The following ANKRD12 variants were observed in gnomAD, a reference collection of about 807,000 sequenced individuals.
ANKRD12 encodes the protein ankyrin repeat domain-containing protein 12.
In ANKRD12, 85 loss-of-function variants were observed where a neutral mutation model predicts 183.4. The ratio of observed to expected loss-of-function variants is 0.46; its 90% CI spans 0.39 to 0.56. The LOEUF (loss-of-function observed/expected upper bound fraction) is 0.56, where lower values mean the gene tolerates loss of function less well. Ranked by LOEUF, ANKRD12 falls within the 20% of genes least tolerant of loss-of-function variation. The probability of loss-of-function intolerance (pLI) is 0.00; values close to 1 mark genes in which losing one functional copy is unlikely to be tolerated. For missense variants in ANKRD12, 2,405 were observed against 2,357.1 expected, an observed-to-expected ratio of 1.02 and a Z score of -0.42; for synonymous variants, 914 against 800.2, an observed-to-expected ratio of 1.14 and a Z score of -2.40.
intron 8 of ANKRD12, among the ~76,000 whole-genome samples, chr18:9,242,726 A>G (rs748058558): frequency 6.6e-6 from 1 of 152,138 alleles, no homozygotes; most frequent in African/African-American, 2.4e-5. Context: ...GATTGAGGGG[A>G]GTACAGAGTG....
intron 2 of ANKRD12, among the ~76,000 whole-genome samples, chr18:9,193,845 A>G (rs1567900803): frequency 6.6e-6 from 1 of 152,220 alleles, no homozygotes; most frequent in Non-Finnish European, 1.5e-5. Flanking sequence ...AGTTCTCAGT[A>G]TGAAGCACAT....
chr18:9,262,654 G>T (rs1047099313), intron 9 of ANKRD12, among the ~76,000 whole-genome samples: 5 of 151,586 alleles, frequency 3.3e-5, no homozygotes, highest in African/African-American at 7.3e-5. Flanking sequence ...TGAGATGGGG[G>T]TCTCAATATG....
intron 2 of ANKRD12, among the ~76,000 whole-genome samples, chr18:9,187,439 T>TA (rs1230860151): frequency 1.3e-5 from 2 of 152,174 alleles, no homozygotes; most frequent in Non-Finnish European, 2.9e-5. Flanking sequence ...ACAGTTCTCT[T>TA]ACGTAAGTAG....
At chr18:9,177,195 T>C (rs1484825522) in intron 1 of ANKRD12, among the ~76,000 whole-genome samples, 8 of 152,164 alleles carry the variant, frequency 5.3e-5, no homozygotes. Flanking sequence ...GCAAGCAGTG[T>C]AATAGCCACC....
chr18:9,257,911 T>G lies in ANKRD12; in HGVS notation c.4644T>G (p.Thr1548=), dbSNP rs771895849. Residue 1548 remains threonine, a synonymous_variant, in exon 9 of 13, where the codon ACT becomes ACG. Transcript: ENST00000262126. ...DNESTKDTEN[T]FVLGDVQKTD... ...AATCTACAAAAGATACAGAAAATAC[T>G]TTTGTCCTAGGAGATGTTCAAAAAA... is the stretch of plus-strand genomic sequence containing the variant. 3 of 1,613,990 alleles carry G rather than the reference T, an allele frequency of 1.9e-6. No individual in the cohort carries two copies. The highest frequency in any genetic ancestry group is 2.5e-6 in the Non-Finnish European group (3 of 1,179,976).
intron 3 of ANKRD12, among the ~76,000 whole-genome samples, chr18:9,201,352 C>G (rs1017023130): frequency 6.6e-6 from 1 of 152,148 alleles, no homozygotes; most frequent in African/African-American, 2.4e-5. Context: ...GCCAAAATCT[C>G]TTAATGTGAA....
chr18:9,270,337 A>C (rs565401572), intron 10 of ANKRD12, among the ~76,000 whole-genome samples: 1 of 152,342 alleles, frequency 6.6e-6, no homozygotes, highest in East Asian at 1.9e-4. Flanking sequence ...GGCACTATTC[A>C]CAGTAGCAAA....
chr18:9,232,954 A>G (rs983125667), intron 8 of ANKRD12, among the ~76,000 whole-genome samples: 2 of 151,918 alleles, frequency 1.3e-5, no homozygotes, highest in Non-Finnish European at 2.9e-5. Flanking sequence ...GGTCCAGGCA[A>G]TTCTTGTGCC....
At chr18:9,168,324 A>T (rs2032307982) in intron 1 of ANKRD12, among the ~76,000 whole-genome samples, 1 of 152,180 alleles carries the variant, frequency 6.6e-6, no homozygotes, top group African/African-American at 2.4e-5. Context: ...CTCTGGTAGA[A>T]TTCGGCTGTG....
Position 9,167,045 on chromosome 18 carries a change from C to T in ANKRD12, c.-51-15337C>T, listed in dbSNP as rs577691909. Among the ~76,000 whole-genome samples, 1,035 of 152,174 alleles carry T rather than the reference C, an allele frequency of 6.8e-3. 11 individuals carry two copies. Among genetic ancestry groups the T allele is most frequent in the African/African-American group, 0.023 (957 of 41,478 alleles). On this transcript the variant is annotated intron_variant, in intron 1 of 12. Transcript: ENST00000262126. ...TAGTTGTAAATATGCGGCATTATTT[C>T]TGAGGGCTCTGTTCTGTTCCATTGG...
intron 11 of ANKRD12, among the ~76,000 whole-genome samples, chr18:9,277,606 C>T (rs1040142045): frequency 2.6e-5 from 4 of 151,950 alleles, no homozygotes; most frequent in African/African-American, 7.2e-5. Context: ...GGATTACAGG[C>T]GTGAGCCACC....
chr18:9,188,860 T>C (rs949194666), intron 2 of ANKRD12, among the ~76,000 whole-genome samples: 6 of 152,330 alleles, frequency 3.9e-5, no homozygotes, highest in African/African-American at 1.4e-4. Flanking sequence ...CTGGCTTCTC[T>C]CCCAACTCCG....
intron 2 of ANKRD12, among the ~76,000 whole-genome samples, chr18:9,193,321 A>G (rs918438986): frequency 6.6e-6 from 1 of 151,676 alleles, no homozygotes; most frequent in Non-Finnish European, 1.5e-5. Context: ...AAATTTTTTT[A>G]CAGAAACAAG....
chr18:9,225,897 T>G (rs905535455), intron 8 of ANKRD12, among the ~76,000 whole-genome samples: 1 of 152,014 alleles, frequency 6.6e-6, no homozygotes, highest in African/African-American at 2.4e-5. Flanking sequence ...TGTTAATCTT[T>G]TGCTCTGTTT....
chr18:9,223,368 C>T (rs1462313041), intron 8 of ANKRD12, among the ~76,000 whole-genome samples: 1 of 151,894 alleles, frequency 6.6e-6, no homozygotes, highest in African/African-American at 2.4e-5. Context: ...ATTCTCCTGC[C>T]TCAGCCTCCC....
intron 8 of ANKRD12, among the ~76,000 whole-genome samples, chr18:9,239,170 T>TA (rs1555629529): frequency 6.6e-6 from 1 of 152,212 alleles, no homozygotes; most frequent in Non-Finnish European, 1.5e-5. Context: ...GTTTATATGA[T>TA]ATGTTAACTG....
In ANKRD12 at chr18:9,275,660, A is replaced by T; in HGVS notation, c.5900A>T (p.Asp1967Val). 1 of 1,565,758 alleles carries T rather than the reference A, an allele frequency of 6.4e-7. No homozygotes were observed. The highest frequency in any genetic ancestry group is 8.7e-7 in the Non-Finnish European group (1 of 1,147,244). The change falls in exon 11 of 13, where the codon GAC becomes GTC. Residue 1967 changes from aspartate to valine, a missense_variant. Asp to Val is a radical substitution (Grantham distance 152). Coordinates refer to ENST00000262126, the MANE Select transcript of ANKRD12 (RefSeq NM_015208.5). ...GCCGAAGTATACAATGTACCATTGGACTCTCAGGTAAAATGTTTGTTGATA... is the reference window on the plus strand; with the variant it reads ...GCCGAAGTATACAATGTACCATTGGTCTCTCAGGTAAAATGTTTGTTGATA... ...LDAEVYNVPL[D>V]SQSDDSKTSV...
intron 8 of ANKRD12, among the ~76,000 whole-genome samples, chr18:9,233,791 G>GC (rs1479672366): frequency 1.3e-5 from 2 of 152,184 alleles, no homozygotes; most frequent in African/African-American, 2.4e-5. Flanking sequence ...CCAGTCTTTG[G>GC]CCCCAGTGGT....
At chr18:9,184,318 A>G (rs532765882) in intron 2 of ANKRD12, among the ~76,000 whole-genome samples, 1 of 152,308 alleles carries the variant, frequency 6.6e-6, no homozygotes, top group South Asian at 2.1e-4. Context: ...CTTAGTACTT[A>G]CTATAAGGCA....
Sources: gnomAD v4.1 joint callset for allele counts (sites outside exome capture counted in the v4.1 genomes callset) on GRCh38, gnomAD v4.1.1 for gene constraint, MANE v1.5 for transcripts, NCBI Gene and HGNC (gene_info 2026-07-23, HGNC 2026-07-21) for gene names.